CCL28: variants seen among roughly 807,000 people sequenced by gnomAD.
CCL28 encodes the protein C-C motif chemokine 28.
CCL28 carries 4 observed loss-of-function variants against 7.1 expected under a neutral mutation model. The observed-to-expected ratio is 0.56, with a 90% confidence interval of 0.28 to 1.29. CCL28 has a LOEUF of 1.29. CCL28 is among the 50% of genes most tolerant of loss of function. The pLI is 0.11. For synonymous variants in CCL28, 55 were observed against 57.8 expected (o/e 0.95, Z 0.22); for missense variants, 151 against 163.4 (o/e 0.92, Z 0.41).
rs1355211300 is a variant in CCL28, at chr5:43,381,712, G to A, written c.*148C>T. The A allele has an allele frequency of 9.2e-6, 6 of 655,724 alleles. No individual in the cohort carries two copies. Among genetic ancestry groups the A allele is most frequent in the Non-Finnish European group, 1.6e-5 (6 of 376,212 alleles). 40.6% of individuals were successfully genotyped at this position (655,724 alleles called of 1,614,324 possible). ...GTTGAGTATATTATTGGCTACATTT[G>A]CATACCGCACAATTGTTCATTTTTT... On this transcript the variant is annotated 3_prime_UTR_variant, in exon 3 of 3. Coordinates refer to ENST00000361115, the MANE Select transcript of CCL28 (RefSeq NM_148672.3).
At chr5:43,371,686 G>T (rs779597128), downstream of CCL28, among the ~76,000 whole-genome samples, 3 of 152,164 alleles carry the variant, frequency 2.0e-5, no homozygotes, top group Non-Finnish European at 2.9e-5. Context: ...TCATGAGAGA[G>T]CCTGAGCCAA....
chr5:43,365,427 T>C, the CCL28 span, among the ~76,000 whole-genome samples: 1 of 152,230 alleles, frequency 6.6e-6, no homozygotes, highest in Admixed American at 6.5e-5. Flanking sequence ...AGCTAGTTAT[T>C]TTGCCTGTTA....
At chr5:43,409,621 C>G (rs1227349615) in intron 1 of CCL28, among the ~76,000 whole-genome samples, 1 of 152,056 alleles carries the variant, frequency 6.6e-6, no homozygotes, top group Non-Finnish European at 1.5e-5. Flanking sequence ...TTTTAGGATG[C>G]AAGCAGCAAA....
chr5:43,357,912 C>A, the CCL28 span, among the ~76,000 whole-genome samples: 11 of 152,232 alleles, frequency 7.2e-5, no homozygotes, highest in African/African-American at 2.4e-4. Context: ...CCCACCTCCA[C>A]CCAGGGCCCA....
downstream of CCL28, among the ~76,000 whole-genome samples, chr5:43,374,442 A>G (rs1395216984): frequency 6.6e-6 from 1 of 152,244 alleles, no homozygotes; most frequent in Non-Finnish European, 1.5e-5. Context: ...CGAATTAGCT[A>G]TGTAATTGTG....
the CCL28 span, among the ~76,000 whole-genome samples, chr5:43,368,852 C>T: frequency 0.063 from 9,577 of 152,006 alleles, 681 homozygotes; most frequent in African/African-American, 0.18. Flanking sequence ...GGAACCAACC[C>T]GGTTGATACC....
downstream of CCL28, chr5:43,377,175 TACTATGTAC>T (rs1739909510): frequency 6.6e-6 from 1 of 151,998 alleles, no homozygotes; most frequent in Non-Finnish European, 1.5e-5. Flanking sequence ...GAGTATGGAG[TACTATGTAC>T]ATCTTACATA....
At chr5:43,410,494 T>C (rs558758565) in intron 1 of CCL28, among the ~76,000 whole-genome samples, 6 of 152,288 alleles carry the variant, frequency 3.9e-5, no homozygotes, top group African/African-American at 1.2e-4. Context: ...TCGGCTCCCT[T>C]CCTTATTATC....
intron 1 of CCL28, among the ~76,000 whole-genome samples, chr5:43,406,400 AT>A (rs1741283641): frequency 6.6e-6 from 1 of 151,866 alleles, no homozygotes; most frequent in African/African-American, 2.4e-5. Context: ...CAAAAACCAC[AT>A]GATTATCTCA....
chr5:43,374,838 A>T (rs113366285), downstream of CCL28, among the ~76,000 whole-genome samples: 8 of 151,656 alleles, frequency 5.3e-5, no homozygotes, highest in African/African-American at 1.9e-4. Context: ...TACTACATTT[A>T]GGTCATCTTT....
At chr5:43,392,549 A>C (rs972908825) in intron 1 of CCL28, among the ~76,000 whole-genome samples, 4 of 152,222 alleles carry the variant, frequency 2.6e-5, no homozygotes, top group Non-Finnish European at 1.5e-5. Context: ...TGCATCTTTA[A>C]CTATATTTCA....
chr5:43,389,277 G>A (rs1014919577), intron 1 of CCL28, among the ~76,000 whole-genome samples: 6 of 152,192 alleles, frequency 3.9e-5, no homozygotes, highest in African/African-American at 1.4e-4. Flanking sequence ...ACTTTAAAAT[G>A]GAGAATTTTA....
At chr5:43,359,599 G>C in the CCL28 span, among the ~76,000 whole-genome samples, 4 of 152,068 alleles carry the variant, frequency 2.6e-5, no homozygotes, top group African/African-American at 7.2e-5. Context: ...GGCCAGTTTT[G>C]GGGCCAGTTT....
chr5:43,358,646 T>C, the CCL28 span, among the ~76,000 whole-genome samples: 1 of 152,204 alleles, frequency 6.6e-6, no homozygotes, highest in Non-Finnish European at 1.5e-5. Flanking sequence ...GAATTAGGTC[T>C]TCACCAAAAC....
In CCL28 at chr5:43,379,722, C is replaced by T. The variant is rs1740027151; in HGVS notation, c.*2138G>A. On this transcript the variant is annotated 3_prime_UTR_variant, in exon 3 of 3. Coordinates refer to ENST00000361115, the MANE Select transcript of CCL28 (RefSeq NM_148672.3). The stretch of plus-strand genomic sequence containing the variant: ...CTGCCACCTGATAAAGTGGCTCCTG[C>T]TCTCTATTGGCTTCTTATGAACACT... 6.6e-6 allele frequency: 1 copy of T among 152,202 alleles called. No individual in the cohort carries two copies. The highest frequency in any genetic ancestry group is 2.4e-5 in the African/African-American group (1 of 41,422). The allele number at this position is 152,202 out of a possible 1,614,324, so 9.4% of individuals were successfully genotyped here. A position where few individuals can be genotyped will look rare whatever the true frequency, so the allele number is the denominator to read the frequency against.
intron 1 of CCL28, among the ~76,000 whole-genome samples, chr5:43,392,806 T>C (rs536068806): frequency 1.1e-4 from 17 of 152,360 alleles, no homozygotes; most frequent in African/African-American, 4.1e-4. Context: ...TTTTTTACCT[T>C]GATTTTTAAA....
intron 2 of CCL28, among the ~76,000 whole-genome samples, chr5:43,382,944 G>A (rs1333003338): frequency 6.6e-6 from 1 of 151,716 alleles, no homozygotes; most frequent in Non-Finnish European, 1.5e-5. Context: ...TCAGCCTCCC[G>A]AGTAGCTGGG....
the CCL28 span, among the ~76,000 whole-genome samples, chr5:43,365,503 ATTG>A: frequency 2.6e-5 from 4 of 152,070 alleles, no homozygotes; most frequent in South Asian, 2.1e-4. Flanking sequence ...AGTGGCTGGT[ATTG>A]TTGTTTTTTT....
intron 1 of CCL28, among the ~76,000 whole-genome samples, chr5:43,393,933 A>T (rs1439065415): frequency 6.6e-6 from 1 of 152,210 alleles, no homozygotes; most frequent in South Asian, 2.1e-4. Context: ...TTCTTCTGCT[A>T]TGCTATATAA....
Sources: gnomAD v4.1 joint callset for allele counts (sites outside exome capture counted in the v4.1 genomes callset) on GRCh38, gnomAD v4.1.1 for gene constraint, MANE v1.5 for transcripts, NCBI Gene and HGNC (gene_info 2026-07-23, HGNC 2026-07-21) for gene names.